Variants in STAMBPL1 observed in about 807,000 individuals in gnomAD.
The protein encoded by STAMBPL1 is STAM binding protein like 1, also known as AMSH-like protease.
A neutral mutation model predicts 52.9 loss-of-function variants in STAMBPL1; 44 were observed. That is an observed-to-expected ratio of 0.83 (90% CI 0.65 to 1.07). STAMBPL1 has a LOEUF of 1.07. Among genes scored for constraint, STAMBPL1 ranks in the 50% least tolerant of loss-of-function variants. The pLI is 0.00. For synonymous variants in STAMBPL1, 164 were observed against 177.3 expected (o/e 0.92, Z 0.60); for missense variants, 511 against 520.8 (o/e 0.98, Z 0.18).
chr10:88,889,930 C>T (rs982967774), intron 1 of STAMBPL1, among the ~76,000 whole-genome samples: 1 of 152,180 alleles, frequency 6.6e-6, no homozygotes, highest in African/African-American at 2.4e-5. Flanking sequence ...ATGATCTTGA[C>T]ACTTTTTAAG....
chr10:88,883,736 A>C (rs575982233), intron 1 of STAMBPL1, among the ~76,000 whole-genome samples: 1 of 152,336 alleles, frequency 6.6e-6, no homozygotes, highest in African/African-American at 2.4e-5. Flanking sequence ...TAGAGACATT[A>C]ATTTGACTGG....
chr10:88,881,534 T>TGAA (rs1844406039), intron 1 of STAMBPL1, among the ~76,000 whole-genome samples: 1 of 152,134 alleles, frequency 6.6e-6, no homozygotes, highest in South Asian at 2.1e-4. Context: ...GACAATAACA[T>TGAA]GAAGTCCTGG....
Position 88,901,686 on chromosome 10 carries a change from C to T in STAMBPL1, c.-23C>T. On this transcript the variant is annotated 5_prime_UTR_variant, in exon 2 of 11. Transcript: ENST00000371926. ...GTGATTGAGAAGAAACAGTGAACAT[C>T]CTCATTTCACAGATAAGACAACATG... is the stretch of plus-strand genomic sequence containing the variant. The T allele has an allele frequency of 6.2e-7, 1 of 1,606,316 alleles. No individual in the cohort carries two copies. The highest frequency in any genetic ancestry group is 8.5e-7 in the Non-Finnish European group (1 of 1,176,672).
chr10:88,900,183 T>C (rs1191094467), intron 1 of STAMBPL1, among the ~76,000 whole-genome samples: 1 of 152,240 alleles, frequency 6.6e-6, no homozygotes, highest in Non-Finnish European at 1.5e-5. Context: ...ACCATGGATT[T>C]AGGCCAGAAA....
Position 88,910,897 on chromosome 10 carries a change from G to T in STAMBPL1, c.325-19G>T, listed in dbSNP as rs748590885. On this transcript the variant is annotated intron_variant, in intron 4 of 10. Coordinates refer to ENST00000371926, the MANE Select transcript of STAMBPL1 (RefSeq NM_020799.4). ...TATTGAAAATCCCACTAATCAATAT[G>T]TATATATATTTTTAAAAGAAACTGA... is the stretch of plus-strand genomic sequence containing the variant. The T allele has an allele frequency of 1.3e-6, 2 of 1,525,224 alleles. No individual in the cohort carries two copies. Among genetic ancestry groups the T allele is most frequent in the Non-Finnish European group, 1.8e-6 (2 of 1,124,208 alleles). The allele number at this position is 1,525,224 out of a possible 1,614,324, so 94.5% of individuals were successfully genotyped here.
chr10:88,890,393 TACA>T (rs1307475088), intron 1 of STAMBPL1, among the ~76,000 whole-genome samples: 1 of 152,162 alleles, frequency 6.6e-6, no homozygotes, highest in Non-Finnish European at 1.5e-5. Context: ...TAGAAACAAA[TACA>T]ACAACTAGGA....
intron 8 of STAMBPL1, among the ~76,000 whole-genome samples, chr10:88,918,288 C>CACACACACACACACACATAA (rs1845419775): frequency 1.4e-5 from 2 of 145,510 alleles, no homozygotes; most frequent in Admixed American, 1.3e-4. Flanking sequence ...CATGCACACA[C>CACACACACACACACACATAA]ACACACACAC....
chr10:88,922,055 T>G (rs1845525394), intron 9 of STAMBPL1, among the ~76,000 whole-genome samples: 1 of 152,184 alleles, frequency 6.6e-6, no homozygotes, highest in Admixed American at 6.5e-5. Context: ...CTCATGAGAC[T>G]CTCTAGTGGG....
At chr10:88,910,109 C>A (rs1845182203) in intron 4 of STAMBPL1, among the ~76,000 whole-genome samples, 1 of 152,090 alleles carries the variant, frequency 6.6e-6, no homozygotes, top group South Asian at 2.1e-4. Flanking sequence ...AAACCATATA[C>A]ATTTCCCTTG....
At chr10:88,909,037 A>G (rs991323562) in intron 4 of STAMBPL1, among the ~76,000 whole-genome samples, 1 of 152,140 alleles carries the variant, frequency 6.6e-6, no homozygotes, top group South Asian at 2.1e-4. Flanking sequence ...TTTTACAATA[A>G]TCTCTCCCAG....
chr10:88,885,589 A>C lies in STAMBPL1; in HGVS notation c.-54+4951A>C, dbSNP rs1589346901. On this transcript the variant is annotated intron_variant, in intron 1 of 10. Transcript: ENST00000371926. ...TAGTATTCTGAAAAACTTCTGTGCC[A>C]TCCACTTCCCTCCATACTCCCAGAG... is the stretch of plus-strand genomic sequence containing the variant. Among the ~76,000 whole-genome samples the C allele has an allele frequency of 2.0e-5, 3 of 152,284 alleles. No individual in the cohort carries two copies. The South Asian group carries it at 6.2e-4, about 32-fold the overall frequency.
intron 9 of STAMBPL1, 147 bp from the exon 10 acceptor site, chr10:88,922,189 GT>G (rs1167763851): frequency 2.6e-6 from 2 of 767,110 alleles, no homozygotes; most frequent in East Asian, 5.5e-5. Context: ...CCAGTCATTG[GT>G]TTAAAAAAAA....
chr10:88,894,164 C>T (rs185158775), intron 1 of STAMBPL1, among the ~76,000 whole-genome samples: 1 of 152,280 alleles, frequency 6.6e-6, no homozygotes, highest in African/African-American at 2.4e-5. Flanking sequence ...ACCTCCTTTG[C>T]AGTTTGGGAA....
intron 8 of STAMBPL1, 89 bp downstream of exon 8, chr10:88,916,906 C>T: frequency 2.3e-6 from 3 of 1,303,312 alleles, no homozygotes; most frequent in East Asian, 2.7e-5. Context: ...ATTTAAATAG[C>T]TTCTTCTTTT....
chr10:88,888,147 G>A (rs2133123489), intron 1 of STAMBPL1, among the ~76,000 whole-genome samples: 1 of 152,292 alleles, frequency 6.6e-6, no homozygotes, highest in South Asian at 2.1e-4. Context: ...CTGAGTGACA[G>A]ATATTTGGAT....
intron 3 of STAMBPL1, among the ~76,000 whole-genome samples, chr10:88,908,374 C>T (rs557060130): frequency 1.4e-4 from 22 of 152,104 alleles, no homozygotes; most frequent in Non-Finnish European, 2.9e-4. Context: ...GTGATTCTCT[C>T]TGTTGCCAGC....
chr10:88,900,538 A>G (rs1188668737), intron 1 of STAMBPL1, among the ~76,000 whole-genome samples: 1 of 152,334 alleles, frequency 6.6e-6, no homozygotes, highest in South Asian at 2.1e-4. Flanking sequence ...TTGATAAAAT[A>G]TTGACTATAT....
At chr10:88,915,751 T>G (rs1160532824) in intron 7 of STAMBPL1, among the ~76,000 whole-genome samples, 1 of 152,156 alleles carries the variant, frequency 6.6e-6, no homozygotes, top group African/African-American at 2.4e-5. Context: ...TGTGCAAGTG[T>G]AGGGCATCAT....
intron 7 of STAMBPL1, 97 bp from the exon 8 acceptor site, chr10:88,916,583 C>A: frequency 7.9e-7 from 1 of 1,260,280 alleles, no homozygotes; most frequent in Non-Finnish European, 1.0e-6. Context: ...CACCCCCCTG[C>A]TGGGGGACTC....
Sources: allele counts gnomAD v4.1 joint callset (sites outside exome capture counted in the v4.1 genomes callset), GRCh38; gene constraint gnomAD v4.1.1; transcripts MANE v1.5; gene names NCBI Gene and HGNC (gene_info 2026-07-23, HGNC 2026-07-21).